Variants in UPK1A observed in about 807,000 individuals in gnomAD.
UPK1A encodes uroplakin-1a.
UPK1A carries 31 observed loss-of-function variants against 32.3 expected under a neutral mutation model. The ratio of observed to expected loss-of-function variants is 0.96; its 90% CI spans 0.72 to 1.30. The LOEUF is 1.30. UPK1A is among the 50% of genes most tolerant of loss of function. The pLI, the probability that UPK1A is intolerant of heterozygous loss-of-function variation, is 0.00. For synonymous variants in UPK1A, 135 were observed against 137.1 expected, an observed-to-expected ratio of 0.98 and a Z score of 0.11; for missense variants, 340 against 357.4, an observed-to-expected ratio of 0.95 and a Z score of 0.39.
chr19:35,673,857 A>G (rs1968141472), intron 5 of UPK1A, among the ~76,000 whole-genome samples: 1 of 152,090 alleles, frequency 6.6e-6, no homozygotes, highest in South Asian at 2.1e-4. Context: ...GATAATAACA[A>G]TGATAGTAAC....
intron 3 of UPK1A, 152 bp from the exon 4 acceptor site, chr19:35,673,080 C>G: frequency 1.5e-6 from 1 of 651,212 alleles, no homozygotes; most frequent in East Asian, 2.7e-5. Context: ...GACAATACAG[C>G]GAACACCTGA....
chr19:35,673,238 G>A, exon 4 of UPK1A: 1 of 1,614,070 alleles, frequency 6.2e-7, no homozygotes. Flanking sequence ...CCAGTACCTG[G>A]TGCTCATGCT....
chr19:35,673,410 G>T (rs368113801), intron 4 of UPK1A, 28 bp from the exon 5 acceptor site: 1 of 1,612,172 alleles, frequency 6.2e-7, no homozygotes. Flanking sequence ...CAGCCCTGCC[G>T]GCCCTTGTTC....
At chr19:35,668,643 A>G (rs769537262) in exon 3 of UPK1A, 21 of 1,612,936 alleles carry the variant, frequency 1.3e-5, no homozygotes, top group Non-Finnish European at 1.6e-5. Context: ...CCGCCGGTCC[A>G]TGGTCCTCAC....
intron 5 of UPK1A, among the ~76,000 whole-genome samples, chr19:35,675,471 G>C (rs1249973443): frequency 1.3e-5 from 2 of 151,932 alleles, no homozygotes; most frequent in Non-Finnish European, 2.9e-5. Context: ...AGTAGAGACG[G>C]GGTTTCATCA....
intron 3 of UPK1A, among the ~76,000 whole-genome samples, chr19:35,670,390 T>G (rs1599629861): frequency 4.6e-5 from 1 of 21,824 alleles, no homozygotes. Context: ...TCCCCTCCCC[T>G]TCCCTCCCCT....
At chr19:35,666,756 G>C in intron 1 of UPK1A, 53 bp from the exon 2 acceptor site, 1 of 1,575,502 alleles carries the variant, frequency 6.3e-7, no homozygotes, top group Non-Finnish European at 8.7e-7. Context: ...CAGAGATGGG[G>C]GGTCCGGCTG....
intron 3 of UPK1A, among the ~76,000 whole-genome samples, chr19:35,670,140 T>G (rs1968063845): frequency 6.6e-6 from 1 of 152,070 alleles, no homozygotes; most frequent in Non-Finnish European, 1.5e-5. Flanking sequence ...GGAAGAGCCT[T>G]CCAGGTGGAG....
At position 35,668,435 on chromosome 19, in the gene UPK1A, A is replaced by C; in HGVS notation, c.85-19A>C. On this transcript the variant is annotated intron_variant, in intron 2 of 7. Transcript: ENST00000617999. ...CTGCTGGCCCCGAGCAGACCTTCCT[A>C]ACCCACCGCTCTGTCCAGCTGTCAG... 1 of 1,613,636 alleles carries C rather than the reference A, an allele frequency of 6.2e-7. No individual in the cohort carries two copies. The highest frequency in any genetic ancestry group is 8.5e-7 in the Non-Finnish European group (1 of 1,179,922).
At chr19:35,677,739 C>A in intron 6 of UPK1A, 73 bp from the exon 7 acceptor site, 1 of 1,569,098 alleles carries the variant, frequency 6.4e-7, no homozygotes, top group Non-Finnish European at 8.7e-7. Flanking sequence ...TTCCCAAGGG[C>A]GCACAGTGAC....
At chr19:35,677,782 T>C in intron 6 of UPK1A, 30 bp from the exon 7 acceptor site, 7 of 1,611,708 alleles carry the variant, frequency 4.3e-6, no homozygotes, top group Non-Finnish European at 5.9e-6. Flanking sequence ...CATGGGCGTC[T>C]TCTCAAACTT....
chr19:35,674,903 G>T (rs780746699), intron 5 of UPK1A, among the ~76,000 whole-genome samples: 1 of 152,050 alleles, frequency 6.6e-6, no homozygotes, highest in Non-Finnish European at 1.5e-5. Context: ...TTAGTCAGGT[G>T]TAGTAGTGTG....
chr19:35,666,553 C>T lies in UPK1A; in HGVS notation c.-5+15C>T. On this transcript the variant is annotated intron_variant, in intron 1 of 7. Coordinates refer to ENST00000617999, the Ensembl canonical transcript of UPK1A. Reference sequence around the variant, plus strand: ...AGACAGAGAAGGTGAGGAGGGGGCCCTGGGAGTCTGGGTATGGCATGAGGG... The same window carrying T: ...AGACAGAGAAGGTGAGGAGGGGGCCTTGGGAGTCTGGGTATGGCATGAGGG... 2.0e-6 allele frequency: 1 copy of T among 497,574 alleles called. No homozygotes were observed. The highest frequency in any genetic ancestry group is 2.2e-5 in the South Asian group (1 of 44,896). The allele number at this position is 497,574 out of a possible 1,614,324, so 30.8% of individuals were successfully genotyped here.
chr19:35,675,269 A>G (rs1322869682), intron 5 of UPK1A, among the ~76,000 whole-genome samples: 5 of 152,198 alleles, frequency 3.3e-5, no homozygotes, highest in Non-Finnish European at 5.9e-5. Context: ...ATAGTTGTTG[A>G]TAAAAATATT....
chr19:35,677,820 C>A lies in UPK1A; in HGVS notation c.657C>A (p.Phe219Leu), dbSNP rs546728034. The A allele has an allele frequency of 1.7e-5, 27 of 1,612,024 alleles. No individual in the cohort carries two copies. The highest frequency in any genetic ancestry group is 3.3e-5 in the Admixed American group (2 of 59,970). Residue 219 changes from phenylalanine (F) to leucine (L), a missense_variant, in exon 7 of 8, where the codon TTC (phenylalanine) becomes TTA (leucine). Phe to Leu is a conservative substitution (Grantham distance 22, BLOSUM62 0). Transcript: ENST00000617999. ...CCCATCCCCCTGCCCAGGGCTGCTT[C>A]GAACACATCGGCCACGCCATCGACA...
rs1007078402 is a variant in UPK1A at position 35,669,556 on chromosome 19, C to G, written c.285+902C>G. ...CATGGTGGCAGGCACCTGTAATCCC[C>G]GCTACTCAGGAGGCTGGGGCGGAAG... On this transcript the variant is annotated intron_variant, in intron 3 of 7. Coordinates refer to ENST00000617999, the Ensembl canonical transcript of UPK1A. Among the ~76,000 whole-genome samples the G allele has an allele frequency of 1.7e-4, 26 of 151,946 alleles. No individual in the cohort carries two copies. The East Asian group carries it at 3.5e-3, about 20-fold the overall frequency.
exon 8 of UPK1A, chr19:35,678,326 G>A (rs143625669): frequency 8.9e-4 from 280 of 314,210 alleles, no homozygotes; most frequent in African/African-American, 2.6e-3. Flanking sequence ...GGCAGGCATC[G>A]CCATTCTTGC....
At chr19:35,674,241 C>CTTTTTTTTTTT (rs35857173) in intron 5 of UPK1A, among the ~76,000 whole-genome samples, 1 of 98,982 alleles carries the variant, frequency 1.0e-5, no homozygotes, top group African/African-American at 4.0e-5. Flanking sequence ...TTCTTTTTAT[C>CTTTTTTTTTTT]TTTTTTTTTT....
At chr19:35,676,641 G>A (rs542594318) in intron 6 of UPK1A, among the ~76,000 whole-genome samples, 15 of 151,156 alleles carry the variant, frequency 9.9e-5, no homozygotes, top group African/African-American at 3.1e-4. Flanking sequence ...GCTCATGCCT[G>A]TAATCTCAGC....
Sources: gnomAD v4.1 joint callset for allele counts (sites outside exome capture counted in the v4.1 genomes callset) on GRCh38, gnomAD v4.1.1 for gene constraint, MANE v1.5 for transcripts, NCBI Gene and HGNC (gene_info 2026-07-23, HGNC 2026-07-21) for gene names.